The following TNKS variants were observed in gnomAD, a reference collection of about 807,000 sequenced individuals.
The protein encoded by TNKS is poly [ADP-ribose] polymerase tankyrase-1.
TNKS carries 72 observed loss-of-function variants against 135.8 expected under a neutral mutation model. That is an observed-to-expected ratio of 0.53 (90% confidence interval 0.44 to 0.64). The LOEUF is 0.64. TNKS is among the 30% of genes least tolerant of loss of function. The probability of loss-of-function intolerance (pLI) is 0.00; values close to 1 mark genes in which losing one functional copy is unlikely to be tolerated. For missense variants in TNKS, 1,769 were observed against 1,674.0 expected (o/e 1.06, Z -0.99); for synonymous variants, 849 against 649.3 (o/e 1.31, Z -4.68).
intron 12 of TNKS, chr8:9,722,553 TCAAAAAAAAAA>T (rs1231821459): frequency 4.7e-4 from 6 of 12,780 alleles, no homozygotes; most frequent in East Asian, 2.7e-3. Flanking sequence ...AAGCTTGAAC[TCAAAAAAAAAA>T]AAAAAAAAAA....
At chr8:9,563,043 C>G (rs1013115036) in intron 1 of TNKS, among the ~76,000 whole-genome samples, 1 of 151,932 alleles carries the variant, frequency 6.6e-6, no homozygotes, top group Non-Finnish European at 1.5e-5. Context: ...AACTTTGCCT[C>G]TTCTAAATTT....
chr8:9,777,447 A>C lies in TNKS; in HGVS notation c.*711A>C, dbSNP rs1037360374. ...ATGAATTGGCCTATCTTACAAGAGA[A>C]GGGCACAAACACCAACCTGACTTAG... On this transcript the variant is annotated 3_prime_UTR_variant, in exon 27 of 27. Coordinates refer to ENST00000310430, the MANE Select transcript of TNKS (RefSeq NM_003747.3). 1 of 152,308 alleles carries C rather than the reference A, an allele frequency of 6.6e-6. No individual in the cohort carries two copies. The highest frequency in any genetic ancestry group is 2.4e-5 in the African/African-American group (1 of 41,468). The allele number at this position is 152,308 out of a possible 1,614,324, so 9.4% of individuals were successfully genotyped here.
chr8:9,711,596 C>G (rs578160010), intron 11 of TNKS, among the ~76,000 whole-genome samples: 2 of 152,120 alleles, frequency 1.3e-5, no homozygotes, highest in South Asian at 4.2e-4. Flanking sequence ...TAGTTGTGTT[C>G]TTTTTAATGA....
At chr8:9,707,482 C>T (rs144865947) in intron 8 of TNKS, among the ~76,000 whole-genome samples, 1 of 152,114 alleles carries the variant, frequency 6.6e-6, no homozygotes, top group African/African-American at 2.4e-5. Flanking sequence ...TTTCCCGAGC[C>T]CTGCAAGGCT....
chr8:9,567,487 C>T (rs1797588468), intron 1 of TNKS, among the ~76,000 whole-genome samples: 1 of 152,214 alleles, frequency 6.6e-6, no homozygotes, highest in East Asian at 1.9e-4. Context: ...GCGATCTTGG[C>T]TCACTGCAAG....
At chr8:9,609,555 T>C (rs555422033) in intron 2 of TNKS, among the ~76,000 whole-genome samples, 1 of 152,234 alleles carries the variant, frequency 6.6e-6, no homozygotes, top group Non-Finnish European at 1.5e-5. Flanking sequence ...TTATTTTTCT[T>C]GATCAGTAAT....
At chr8:9,667,250 A>G (rs962733325) in intron 3 of TNKS, among the ~76,000 whole-genome samples, 1 of 152,254 alleles carries the variant, frequency 6.6e-6, no homozygotes, top group African/African-American at 2.4e-5. Context: ...TGTTTAAACC[A>G]GTATGCCAAT....
At chr8:9,652,854 T>C (rs528350090) in intron 3 of TNKS, among the ~76,000 whole-genome samples, 1 of 152,332 alleles carries the variant, frequency 6.6e-6, no homozygotes, top group South Asian at 2.1e-4. Flanking sequence ...TTATCTTCTC[T>C]TTTTAAAAAT....
intron 3 of TNKS, among the ~76,000 whole-genome samples, chr8:9,648,715 A>C (rs1801015572): frequency 1.3e-5 from 2 of 152,170 alleles, no homozygotes; most frequent in South Asian, 4.1e-4. Flanking sequence ...TTGTGTTATT[A>C]ATGTTATGGG....
Position 9,706,179 on chromosome 8 carries a change from T to C in TNKS, c.1203-8T>C. 1 of 1,560,792 alleles carries C rather than the reference T, an allele frequency of 6.4e-7. No homozygotes were observed. The highest frequency in any genetic ancestry group is 2.4e-5 in the East Asian group (1 of 41,422). On this transcript the variant is annotated splice_polypyrimidine_tract_variant and splice_region_variant and intron_variant, in intron 6 of 26. Transcript: ENST00000310430. ...TTTAAGTATTTTAATTTGCCTCTTT[T>C]CATTTAGTGGACTTGTGCCTCTTCA...
intron 2 of TNKS, among the ~76,000 whole-genome samples, chr8:9,583,293 G>A (rs1012861048): frequency 1.3e-5 from 2 of 151,724 alleles, no homozygotes; most frequent in African/African-American, 4.8e-5. Flanking sequence ...TGAAATGCTT[G>A]TATAATTAAA....
chr8:9,567,021 A>G (rs562914381), intron 1 of TNKS, among the ~76,000 whole-genome samples: 79 of 152,370 alleles, frequency 5.2e-4, no homozygotes, highest in South Asian at 1.4e-3. Context: ...TGCTACTCAA[A>G]TGGAAAGTTG....
intron 20 of TNKS, among the ~76,000 whole-genome samples, chr8:9,752,978 A>G (rs1055513846): frequency 6.6e-6 from 1 of 151,908 alleles, no homozygotes; most frequent in Non-Finnish European, 1.5e-5. Flanking sequence ...AAAAAAAAAA[A>G]AAAGAAAGAC....
At chr8:9,745,960 A>G (rs1806212312) in intron 17 of TNKS, among the ~76,000 whole-genome samples, 1 of 152,216 alleles carries the variant, frequency 6.6e-6, no homozygotes, top group Non-Finnish European at 1.5e-5. Context: ...CTTAAGGAAG[A>G]TAGAAAGTGA....
chr8:9,748,154 A>C lies in TNKS; in HGVS notation c.2774A>C (p.His925Pro). Residue 925 changes from histidine (H) to proline (P), a missense_variant, in exon 18 of 27, where the codon CAT becomes CCT. Transcript: ENST00000310430. Reference protein sequence around the residue: ...RTQLCALLLAHGADPTMKNQE... With the variant: ...RTQLCALLLAPGADPTMKNQE... ...CAGCTGTGCGCCCTCCTCCTAGCGC[A>C]TGGTGCAGACCCCACCATGAAGAAC... 2 of 1,614,126 alleles carry C rather than the reference A, an allele frequency of 1.2e-6. No homozygotes were observed. Among genetic ancestry groups the C allele is most frequent in the Non-Finnish European group, 1.7e-6 (2 of 1,180,004 alleles).
At chr8:9,559,681 C>G (rs1455481475) in intron 1 of TNKS, among the ~76,000 whole-genome samples, 1 of 152,160 alleles carries the variant, frequency 6.6e-6, no homozygotes, top group Non-Finnish European at 1.5e-5. Flanking sequence ...TTAGCTCCCA[C>G]TTACTTAAGT....
At chr8:9,702,886 C>T (rs922635649) in intron 5 of TNKS, among the ~76,000 whole-genome samples, 4 of 151,940 alleles carry the variant, frequency 2.6e-5, no homozygotes, top group Admixed American at 6.6e-5. Context: ...TATGGTGGTG[C>T]GCGCCTGTAA....
intron 11 of TNKS, among the ~76,000 whole-genome samples, chr8:9,711,421 A>G (rs1436750816): frequency 6.6e-6 from 1 of 152,174 alleles, no homozygotes; most frequent in African/African-American, 2.4e-5. Context: ...TGTCCAAATG[A>G]GTTGAATTTA....
rs956031318 is a variant in TNKS at position 9,758,807 on chromosome 8, G to A, written c.3154-2709G>A. On this transcript the variant is annotated intron_variant, in intron 20 of 26. Coordinates refer to ENST00000310430, the MANE Select transcript of TNKS (RefSeq NM_003747.3). The stretch of plus-strand genomic sequence containing the variant: ...ACCTGCTGCTGCTTGATAAATTACC[G>A]CAAACTCAGCAGCTCAAAACAGCAC... Among the ~76,000 whole-genome samples the A allele has an allele frequency of 4.6e-5, 7 of 152,282 alleles. No homozygotes were observed. In the East Asian group the frequency reaches 7.7e-4, roughly 17 times the overall value.
Sources: allele counts gnomAD v4.1 joint callset (sites outside exome capture counted in the v4.1 genomes callset), GRCh38; gene constraint gnomAD v4.1.1; transcripts MANE v1.5; gene names NCBI Gene and HGNC (gene_info 2026-07-23, HGNC 2026-07-21).